The following CACNA1E variants were observed in gnomAD, a reference collection of about 807,000 sequenced individuals.
The protein encoded by CACNA1E is voltage-dependent R-type calcium channel subunit alpha-1E.
Under a neutral mutation model 259.2 loss-of-function variants are expected in CACNA1E, and 40 were observed. The observed-to-expected ratio is 0.15, with a 90% confidence interval of 0.12 to 0.20. The LOEUF (loss-of-function observed/expected upper bound fraction) is 0.20. CACNA1E is among the 10% of genes least tolerant of loss of function. The probability of loss-of-function intolerance (pLI) is 1.00; values close to 1 mark genes in which losing one functional copy is unlikely to be tolerated. For missense variants in CACNA1E, 1,874 were observed against 3,040.1 expected, an observed-to-expected ratio of 0.62 and a Z score of 9.02; for synonymous variants, 1,104 against 1,138.5, an observed-to-expected ratio of 0.97 and a Z score of 0.61.
At chr1:181,677,066 T>G (rs1006944115) in intron 7 of CACNA1E, among the ~76,000 whole-genome samples, 2 of 152,098 alleles carry the variant, frequency 1.3e-5, no homozygotes, top group Admixed American at 6.6e-5. Context: ...TCCAGGAACG[T>G]ATCTTCTCTA....
At chr1:181,535,845 C>T (rs1241638058) in intron 3 of CACNA1E, among the ~76,000 whole-genome samples, 1 of 151,872 alleles carries the variant, frequency 6.6e-6, no homozygotes, top group African/African-American at 2.4e-5. Context: ...GCACTATCAC[C>T]CCGGCTAATT....
In CACNA1E at chr1:181,732,662, A is replaced by G. The variant is rs866061866; in HGVS notation, c.2576A>G (p.Asp859Gly). Reference sequence around the variant, plus strand: ...AGCCGTGGGGGGTCCCTCAAGGGGGATGGAGGGGACCGATCCAGTGCCCTG... The same window carrying G: ...AGCCGTGGGGGGTCCCTCAAGGGGGGTGGAGGGGACCGATCCAGTGCCCTG... ...RISRGGSLKG[D>G]GGDRSSALDN... is the part of the protein sequence containing the mutation. Residue 859 changes from aspartate (D) to glycine (G), a missense_variant, in exon 20 of 48, where the codon GAT becomes GGT. By Grantham distance (94) the Asp-to-Gly change is moderately conservative (BLOSUM62 -1). Transcript: ENST00000367573. This position sits in a 1 kb window ranked among gnomAD's most constrained non-coding sequence, Gnocchi z 5.5. 1 of 1,516,962 alleles carries G rather than the reference A, an allele frequency of 6.6e-7. No homozygotes were observed. The highest frequency in any genetic ancestry group is 8.8e-7 in the Non-Finnish European group (1 of 1,134,816). The allele number at this position is 1,516,962 out of a possible 1,614,324, so 94.0% of individuals were successfully genotyped here.
In CACNA1E at chr1:181,756,858, T is replaced by TG. The variant is rs1357036176; in HGVS notation, c.4128-65dup. On this transcript the variant is annotated intron_variant, in intron 29 of 47. Transcript: ENST00000367573. ...AAGTCAGATAAAAAATTATAATAGG[T>TG]GGCACATTTCCTAACGAAGCCAAGA... 6.7e-6 allele frequency: 7 copies of TG among 1,043,018 alleles called. No homozygotes were observed. The African/African-American group carries it at 1.1e-4, about 16-fold the overall frequency. The allele number at this position is 1,043,018 out of a possible 1,614,324, so 64.6% of individuals were successfully genotyped here.
At chr1:181,424,254 GA>G (rs1257144137) in intron 2 of CACNA1E, among the ~76,000 whole-genome samples, 1 of 152,234 alleles carries the variant, frequency 6.6e-6, no homozygotes, top group East Asian at 1.9e-4. Context: ...AGAATCCAGA[GA>G]ATTGGGCTTC....
intron 5 of CACNA1E, among the ~76,000 whole-genome samples, chr1:181,579,966 A>G (rs1651363057): frequency 6.6e-6 from 1 of 152,306 alleles, no homozygotes; most frequent in East Asian, 1.9e-4. Flanking sequence ...AAATTCTCAT[A>G]TCTTTGTATT....
At position 181,591,200 on chromosome 1, in the gene CACNA1E, A is replaced by T. The variant is rs569741816; in HGVS notation, c.951+10424A>T. 5.3e-5 allele frequency among the ~76,000 whole-genome samples: 8 copies of T among 152,368 alleles called. No homozygotes were observed. The South Asian group carries it at 1.7e-3, about 32-fold the overall frequency. On this transcript the variant is annotated intron_variant, in intron 6 of 47. Coordinates refer to ENST00000367573, the MANE Select transcript of CACNA1E (RefSeq NM_001205293.3). Reference sequence around the variant, plus strand: ...GACCACCCACAGTCACACTGGCTTAATTCTTTTCTTTGTGGAGACCTTGGA... The same window carrying T: ...GACCACCCACAGTCACACTGGCTTATTTCTTTTCTTTGTGGAGACCTTGGA...
intron 2 of CACNA1E, among the ~76,000 whole-genome samples, chr1:181,476,780 G>A (rs1283390116): frequency 2.6e-5 from 4 of 152,160 alleles, no homozygotes; most frequent in East Asian, 1.9e-4. Context: ...TGCTCCTGCC[G>A]GTTGTTCTCA....
At chr1:181,604,200 C>T (rs547473658) in intron 6 of CACNA1E, among the ~76,000 whole-genome samples, 2 of 152,288 alleles carry the variant, frequency 1.3e-5, no homozygotes, top group South Asian at 2.1e-4. Flanking sequence ...ATGACTAATT[C>T]CACCCCAACC....
intron 6 of CACNA1E, among the ~76,000 whole-genome samples, chr1:181,600,458 C>G (rs1019496979): frequency 6.6e-6 from 1 of 152,166 alleles, no homozygotes. Context: ...TGGAGGCGGG[C>G]AGCTGGCAGT....
At position 181,414,387 on chromosome 1, in the gene CACNA1E, G is replaced by A. The variant is rs549911202; in HGVS notation, c.434+807G>A. On this transcript the variant is annotated intron_variant, in intron 2 of 11. Transcript: ENST00000524607. ...ATGTATTTTGATGGTGGTGGTCGTG[G>A]TGGGATTTACCTACTTGGTTTCAGT... is the stretch of plus-strand genomic sequence containing the variant. Among the ~76,000 whole-genome samples the A allele has an allele frequency of 3.3e-5, 5 of 152,296 alleles. No homozygotes were observed. The East Asian group carries it at 9.7e-4, about 29-fold the overall frequency.
chr1:181,552,785 A>C (rs2102847819), intron 3 of CACNA1E, among the ~76,000 whole-genome samples: 1 of 152,074 alleles, frequency 6.6e-6, no homozygotes, highest in East Asian at 1.9e-4. Flanking sequence ...CCACCCCCTA[A>C]CAGGCCCCTT....
intron 1 of CACNA1E, among the ~76,000 whole-genome samples, chr1:181,401,845 C>T (rs571366896): frequency 1.1e-4 from 16 of 152,230 alleles, no homozygotes; most frequent in Admixed American, 4.6e-4. Flanking sequence ...CTCTTCTTGA[C>T]TCCTCTTGGA....
At chr1:181,516,374 C>T (rs1666588541) in intron 3 of CACNA1E, among the ~76,000 whole-genome samples, 1 of 151,998 alleles carries the variant, frequency 6.6e-6, no homozygotes, top group Non-Finnish European at 1.5e-5. Flanking sequence ...CACACACACA[C>T]ACACACACAC....
intron 3 of CACNA1E, among the ~76,000 whole-genome samples, chr1:181,566,650 G>A (rs1649859114): frequency 6.6e-6 from 1 of 152,208 alleles, no homozygotes; most frequent in South Asian, 2.1e-4. Flanking sequence ...GACACGTTCA[G>A]GCCAAGCTTC....
At chr1:181,357,920 C>T (rs1405921046) in intron 1 of CACNA1E, among the ~76,000 whole-genome samples, 2 of 152,014 alleles carry the variant, frequency 1.3e-5, no homozygotes, top group African/African-American at 2.4e-5. Flanking sequence ...GCTGCTCATT[C>T]GTGGTGAGTG....
intron 7 of CACNA1E, among the ~76,000 whole-genome samples, chr1:181,688,005 A>T (rs1303816300): frequency 6.6e-6 from 1 of 152,106 alleles, no homozygotes; most frequent in African/African-American, 2.4e-5. Flanking sequence ...ACTTCCAAAC[A>T]TCATTTTGTC....
At chr1:181,737,972 G>T (rs1656209167) in intron 23 of CACNA1E, among the ~76,000 whole-genome samples, 1 of 152,224 alleles carries the variant, frequency 6.6e-6, no homozygotes, top group African/African-American at 2.4e-5. Flanking sequence ...CACCACAGGG[G>T]GCCAAGGCCT....
At chr1:181,502,424 T>C (rs572350911) in intron 1 of CACNA1E, among the ~76,000 whole-genome samples, 1 of 152,324 alleles carries the variant, frequency 6.6e-6, no homozygotes, top group East Asian at 1.9e-4. Flanking sequence ...GGCTGCCATG[T>C]CCTGCCAGGG....
chr1:181,546,938 C>T (rs1170977616), intron 3 of CACNA1E, among the ~76,000 whole-genome samples: 2 of 152,160 alleles, frequency 1.3e-5, no homozygotes, highest in African/African-American at 4.8e-5. Flanking sequence ...ATCAAGCGAT[C>T]TGTTCTTCCC....
Sources: allele counts gnomAD v4.1 joint callset (sites outside exome capture counted in the v4.1 genomes callset), GRCh38; gene constraint gnomAD v4.1.1; non-coding constraint Gnocchi (gnomAD v3.1); transcripts MANE v1.5; gene names NCBI Gene and HGNC (gene_info 2026-07-23, HGNC 2026-07-21).